Variants in MVB12B observed in about 807,000 individuals in gnomAD.
The protein encoded by MVB12B is multivesicular body subunit 12B, also known as ESCRT-I complex subunit MVB12B.
In MVB12B, 16 loss-of-function variants were observed where a neutral mutation model predicts 41.6. That is an observed-to-expected ratio of 0.38 (90% CI 0.26 to 0.58). MVB12B has a LOEUF of 0.58. MVB12B is among the 20% of genes least tolerant of loss of function. MVB12B has a pLI of 0.62. For missense variants in MVB12B, 274 were observed against 380.2 expected, an observed-to-expected ratio of 0.72 and a Z score of 2.32; for synonymous variants, 133 against 139.7, an observed-to-expected ratio of 0.95 and a Z score of 0.34.
At chr9:126,352,559 C>G (rs1041998973) in intron 2 of MVB12B, among the ~76,000 whole-genome samples, 3 of 152,152 alleles carry the variant, frequency 2.0e-5, no homozygotes, top group Non-Finnish European at 4.4e-5. Flanking sequence ...TCTTTAGCTT[C>G]AAGTCTGGGA....
rs557251095 is a variant in MVB12B at position 126,333,879 on chromosome 9, A to C, written c.82-6629A>C. On this transcript the variant is annotated intron_variant, in intron 1 of 9. Transcript: ENST00000361171. The surrounding 1 kb of genome is among the most constrained non-coding windows in gnomAD (Gnocchi z 4.7). The stretch of plus-strand genomic sequence containing the variant: ...CATCCATCCATCCATCCATCCATCC[A>C]TCCATCCATTCGTTCATCAAATACC... 2.6e-5 allele frequency among the ~76,000 whole-genome samples: 4 copies of C among 152,020 alleles called. No homozygotes were observed. The South Asian group carries it at 8.4e-4, about 32-fold the overall frequency.
chr9:126,469,224 C>A (rs764985191), intron 7 of MVB12B, among the ~76,000 whole-genome samples: 3 of 152,132 alleles, frequency 2.0e-5, no homozygotes, highest in South Asian at 2.1e-4. Flanking sequence ...CATGCCAACA[C>A]GCAGGTGAAT....
At chr9:126,485,545 C>T (rs1833601992) in intron 9 of MVB12B, among the ~76,000 whole-genome samples, 1 of 89,386 alleles carries the variant, frequency 1.1e-5, no homozygotes, top group African/African-American at 3.8e-5. Context: ...AGGGTACCAT[C>T]CACTGTGCTT....
At chr9:126,491,453 G>A (rs1457083555) in intron 9 of MVB12B, among the ~76,000 whole-genome samples, 3 of 152,178 alleles carry the variant, frequency 2.0e-5, no homozygotes, top group Non-Finnish European at 4.4e-5. Context: ...AACTGGTGCA[G>A]CCTGAAAAAT....
intron 2 of MVB12B, among the ~76,000 whole-genome samples, chr9:126,378,034 C>G (rs1487150026): frequency 3.9e-5 from 6 of 152,226 alleles, no homozygotes; most frequent in African/African-American, 9.6e-5. Flanking sequence ...GAGGACAGGA[C>G]TGGTTTAAGC....
At chr9:126,449,246 G>A (rs903823480) in intron 7 of MVB12B, among the ~76,000 whole-genome samples, 3 of 152,212 alleles carry the variant, frequency 2.0e-5, no homozygotes, top group Non-Finnish European at 4.4e-5. Context: ...AACTGGATGC[G>A]ACCTGCCACC....
At chr9:126,496,198 CACCT>C (rs1340305087) in intron 9 of MVB12B, among the ~76,000 whole-genome samples, 3 of 141,284 alleles carry the variant, frequency 2.1e-5, no homozygotes. Context: ...CCCACCCACC[CACCT>C]ACCCACCCGT....
chr9:126,415,056 C>T (rs777690111), intron 6 of MVB12B, among the ~76,000 whole-genome samples: 5 of 152,042 alleles, frequency 3.3e-5, no homozygotes, highest in East Asian at 3.9e-4. Flanking sequence ...TTGATGCTGT[C>T]GAGTACCTAC....
At chr9:126,356,165 T>C (rs1355567270) in intron 2 of MVB12B, among the ~76,000 whole-genome samples, 2 of 152,246 alleles carry the variant, frequency 1.3e-5, no homozygotes, top group South Asian at 2.1e-4. Flanking sequence ...TTTTGGTTAC[T>C]ACCACATGTT....
chr9:126,443,401 G>GACCC (rs912071855), intron 7 of MVB12B, among the ~76,000 whole-genome samples: 11 of 152,122 alleles, frequency 7.2e-5, no homozygotes, highest in Admixed American at 6.5e-5. Flanking sequence ...AACTGAGCAT[G>GACCC]ACCCACCCGT....
intron 7 of MVB12B, among the ~76,000 whole-genome samples, chr9:126,428,399 C>T (rs1281567018): frequency 1.3e-5 from 2 of 152,032 alleles, no homozygotes; most frequent in Admixed American, 6.5e-5. Context: ...AAATGTGTAT[C>T]TTACAATGTG....
chr9:126,500,317 T>C (rs1453806451), intron 9 of MVB12B, among the ~76,000 whole-genome samples: 2 of 152,210 alleles, frequency 1.3e-5, no homozygotes, highest in Non-Finnish European at 2.9e-5. Flanking sequence ...GCTTCGCGTT[T>C]GCAGGCATCT....
At chr9:126,411,531 T>G (rs968536218) in intron 6 of MVB12B, among the ~76,000 whole-genome samples, 56 of 152,278 alleles carry the variant, frequency 3.7e-4, no homozygotes, top group African/African-American at 1.3e-3. Context: ...GAATTAAGTT[T>G]TAGGTCTGGG....
intron 2 of MVB12B, among the ~76,000 whole-genome samples, chr9:126,351,117 G>A (rs1032445278): frequency 2.0e-5 from 3 of 152,130 alleles, no homozygotes; most frequent in Non-Finnish European, 2.9e-5. Context: ...GTAGATTTGA[G>A]CCTAAATATT....
At chr9:126,501,271 A>T (rs573503416) in intron 9 of MVB12B, among the ~76,000 whole-genome samples, 4 of 152,250 alleles carry the variant, frequency 2.6e-5, no homozygotes, top group Admixed American at 2.6e-4. Flanking sequence ...GCGGGCCCTG[A>T]TCTACCATCG....
intron 9 of MVB12B, among the ~76,000 whole-genome samples, chr9:126,489,988 C>T (rs1283671910): frequency 6.6e-6 from 1 of 152,146 alleles, no homozygotes; most frequent in Non-Finnish European, 1.5e-5. Flanking sequence ...GGCTGTTGTC[C>T]CAGTGAAGCC....
chr9:126,505,664 GTGTGTGTGTGTGTGTATA>G lies in MVB12B; in HGVS notation c.*2414_*2431del, dbSNP rs1208504382. ...AGGACAAGCATGTGCCTGTGTGTGT[GTGTGTGTGTGTGTGTATA>G]TGTGTGTGTGTGCACGCACATGCGT... On this transcript the variant is annotated 3_prime_UTR_variant, in exon 10 of 10. Transcript: ENST00000361171. 2.9e-5 allele frequency: 4 copies of G among 135,714 alleles called. No individual in the cohort carries two copies. The highest frequency in any genetic ancestry group is 5.7e-5 in the African/African-American group (2 of 34,816). 8.4% of individuals were successfully genotyped at this position (135,714 alleles called of 1,614,324 possible). A position where few individuals can be genotyped will look rare whatever the true frequency, so the allele number is the denominator to read the frequency against.
chr9:126,361,189 T>G (rs984733907), intron 2 of MVB12B, among the ~76,000 whole-genome samples: 3 of 152,182 alleles, frequency 2.0e-5, no homozygotes, highest in Non-Finnish European at 4.4e-5. Flanking sequence ...TTATCTCATT[T>G]TATTTCCTCT....
At chr9:126,351,552 G>A (rs113502856) in intron 2 of MVB12B, among the ~76,000 whole-genome samples, 43 of 141,062 alleles carry the variant, frequency 3.0e-4, no homozygotes, top group African/African-American at 5.9e-4. Flanking sequence ...GCAGTGGTGC[G>A]ATCTCAGCTC....
Sources: gnomAD v4.1 joint callset for allele counts (sites outside exome capture counted in the v4.1 genomes callset) on GRCh38, gnomAD v4.1.1 for gene constraint, Gnocchi (gnomAD v3.1) non-coding constraint, MANE v1.5 for transcripts, NCBI Gene and HGNC (gene_info 2026-07-23, HGNC 2026-07-21) for gene names.